SHOC1: variants seen among roughly 807,000 people sequenced by gnomAD.
The protein encoded by SHOC1 is shortage in chiasmata 1, also known as protein shortage in chiasmata 1 ortholog.
A neutral mutation model predicts 179.2 loss-of-function variants in SHOC1; 136 were observed. The observed-to-expected ratio is 0.76, with a 90% CI of 0.66 to 0.87. The LOEUF (loss-of-function observed/expected upper bound fraction) is 0.87. Among genes scored for constraint, SHOC1 ranks in the 40% least tolerant of loss-of-function variants. The pLI is 0.00. For synonymous variants in SHOC1, 489 were observed against 586.6 expected (o/e 0.83, Z 2.41); for missense variants, 1,538 against 1,700.8 (o/e 0.90, Z 1.68).
intron 27 of SHOC1, 121 bp from the exon 28 acceptor site, chr9:111,686,991 G>T: frequency 5.6e-6 from 3 of 535,058 alleles, no homozygotes; most frequent in Non-Finnish European, 9.1e-6. Context: ...TGTCGCCCAG[G>T]CTGGAGTGTA....
At chr9:111,734,380 C>T (rs1231450937) in intron 12 of SHOC1, among the ~76,000 whole-genome samples, 2 of 152,096 alleles carry the variant, frequency 1.3e-5, no homozygotes, top group African/African-American at 4.8e-5. Flanking sequence ...ATAAAATCTT[C>T]TCCCTTTTCT....
intron 12 of SHOC1, among the ~76,000 whole-genome samples, chr9:111,730,338 T>C (rs1018882860): frequency 6.6e-6 from 1 of 152,212 alleles, no homozygotes; most frequent in Non-Finnish European, 1.5e-5. Flanking sequence ...TCAATTGACT[T>C]TGACTAGATC....
chr9:111,756,110 G>A (rs898219727), intron 8 of SHOC1, among the ~76,000 whole-genome samples: 1 of 151,624 alleles, frequency 6.6e-6, no homozygotes, highest in Admixed American at 6.6e-5. Context: ...CAACAAGAGC[G>A]AAATTTTGTC....
At chr9:111,705,184 CACACACACACACAT>C (rs1832196884) in intron 21 of SHOC1, 49 bp downstream of exon 21, 1 of 656,022 alleles carries the variant, frequency 1.5e-6, no homozygotes, top group South Asian at 2.7e-5. Flanking sequence ...CACACACACA[CACACACACACACAT>C]ATATATATAA....
intron 5 of SHOC1, chr9:111,759,483 G>T (rs1029779154): frequency 1.6e-6 from 2 of 1,248,498 alleles, no homozygotes; most frequent in East Asian, 3.1e-5. Flanking sequence ...TTCTCCTCTC[G>T]GTCTCCACCC....
chr9:111,774,530 C>A (rs1835751969), intron 5 of SHOC1, among the ~76,000 whole-genome samples: 2 of 152,090 alleles, frequency 1.3e-5, no homozygotes, highest in Non-Finnish European at 2.9e-5. Flanking sequence ...AAACTCCTGG[C>A]CTCAAGTGAT....
chr9:111,702,057 G>T, intron 23 of SHOC1, 48 bp downstream of exon 23: 1 of 1,349,786 alleles, frequency 7.4e-7, no homozygotes, highest in South Asian at 1.4e-5. Context: ...AGAGGACTTA[G>T]GATTAAGAAA....
chr9:111,745,247 T>C (rs987838196), intron 10 of SHOC1, among the ~76,000 whole-genome samples: 1 of 152,236 alleles, frequency 6.6e-6, no homozygotes, highest in African/African-American at 2.4e-5. Context: ...GCCACAGACC[T>C]ATGACAAATC....
Position 111,713,092 on chromosome 9 carries a change from C to T in SHOC1, c.2488+8G>A, listed in dbSNP as rs779657633. 6.6e-7 allele frequency: 1 copy of T among 1,523,260 alleles called. No homozygotes were observed. The highest frequency in any genetic ancestry group is 2.3e-5 in the East Asian group (1 of 43,908). The allele number at this position is 1,523,260 out of a possible 1,614,324, so 94.4% of individuals were successfully genotyped here. On this transcript the variant is annotated splice_region_variant and intron_variant, in intron 18 of 27. Coordinates refer to ENST00000682961, the MANE Select transcript of SHOC1 (RefSeq NM_001378211.1). ...TTATCAAATGAAGCATAATTTAAAA[C>T]TGCCTACCTTCTATTTTGTTAAGAA... is the stretch of plus-strand genomic sequence containing the variant.
At chr9:111,742,604 T>G (rs572238368) in intron 10 of SHOC1, among the ~76,000 whole-genome samples, 68 of 152,338 alleles carry the variant, frequency 4.5e-4, no homozygotes, top group Non-Finnish European at 8.2e-4. Context: ...CCCCTTAATC[T>G]GTGTCCCAAG....
At chr9:111,760,320 TC>T (rs1283940162) in intron 5 of SHOC1, among the ~76,000 whole-genome samples, 1 of 152,220 alleles carries the variant, frequency 6.6e-6, no homozygotes, top group Non-Finnish European at 1.5e-5. Context: ...GAGTGCCACT[TC>T]CTTACTTTCT....
intron 10 of SHOC1, among the ~76,000 whole-genome samples, chr9:111,745,198 C>T (rs1007689631): frequency 5.3e-5 from 8 of 152,210 alleles, no homozygotes; most frequent in East Asian, 1.9e-4. Context: ...TATTGATCAA[C>T]GATTGTCCAC....
At chr9:111,694,897 TA>T (rs1338608945) in intron 24 of SHOC1, among the ~76,000 whole-genome samples, 5 of 152,156 alleles carry the variant, frequency 3.3e-5, no homozygotes, top group African/African-American at 1.2e-4. Flanking sequence ...ATTGCTCATC[TA>T]ATATTGGCTT....
intron 1 of SHOC1, among the ~76,000 whole-genome samples, chr9:111,791,684 T>C (rs1355439349): frequency 6.6e-6 from 1 of 152,200 alleles, no homozygotes; most frequent in East Asian, 1.9e-4. Context: ...AGTTGGTTGG[T>C]GGAAATATAT....
intron 3 of SHOC1, among the ~76,000 whole-genome samples, chr9:111,781,897 C>T (rs1276215220): frequency 6.6e-6 from 1 of 151,490 alleles, no homozygotes; most frequent in South Asian, 2.1e-4. Context: ...TTACCTTGAA[C>T]AAATCATTTA....
At chr9:111,740,532 C>G (rs559480022) in intron 11 of SHOC1, among the ~76,000 whole-genome samples, 1 of 152,090 alleles carries the variant, frequency 6.6e-6, no homozygotes, top group Non-Finnish European at 1.5e-5. Flanking sequence ...AAATGTATAA[C>G]CTCAAAATTA....
At chr9:111,784,849 G>A (rs1452770229) in intron 3 of SHOC1, among the ~76,000 whole-genome samples, 1 of 152,006 alleles carries the variant, frequency 6.6e-6, no homozygotes, top group African/African-American at 2.4e-5. Flanking sequence ...GCTCTTTGGG[G>A]TCTCTTTTAT....
At chr9:111,713,063 TTTG>T (rs995872405) in intron 18 of SHOC1, 34 bp downstream of exon 18, 4 of 1,254,670 alleles carry the variant, frequency 3.2e-6, no homozygotes, top group Non-Finnish European at 4.6e-6. Context: ...AGTTCAAGCA[TTTG>T]TTATCAAATG....
At chr9:111,751,821 A>G (rs1292375178) in intron 8 of SHOC1, among the ~76,000 whole-genome samples, 6 of 152,238 alleles carry the variant, frequency 3.9e-5, no homozygotes, top group Non-Finnish European at 8.8e-5. Flanking sequence ...TAAAATACAT[A>G]AAGTGAGGAG....
Sources: allele counts gnomAD v4.1 joint callset (sites outside exome capture counted in the v4.1 genomes callset), GRCh38; gene constraint gnomAD v4.1.1; transcripts MANE v1.5; gene names NCBI Gene and HGNC (gene_info 2026-07-23, HGNC 2026-07-21).